The following RARB variants were observed in gnomAD, a reference collection of about 807,000 sequenced individuals.
RARB encodes the protein retinoic acid receptor beta, also known as HBV-activated protein.
Under a neutral mutation model 51.9 loss-of-function variants are expected in RARB, and 17 were observed. That is an observed-to-expected ratio of 0.33 (90% CI 0.22 to 0.49). The LOEUF is 0.49. Among genes scored for constraint, RARB ranks in the 20% least tolerant of loss-of-function variants. The pLI, the probability that RARB is intolerant of heterozygous loss-of-function variation, is 0.99. For missense variants in RARB, 369 were observed against 550.8 expected (o/e 0.67, Z 3.30); for synonymous variants, 215 against 195.4 (o/e 1.10, Z -0.84).
At chr3:24,943,869 C>A (rs1695720438) in intron 2 of RARB, among the ~76,000 whole-genome samples, 1 of 152,126 alleles carries the variant, frequency 6.6e-6, no homozygotes, top group African/African-American at 2.4e-5. Flanking sequence ...GTCATGGAGG[C>A]TGAAGACTTC....
chr3:25,214,548 TC>T (rs1174737736), intron 5 of RARB, among the ~76,000 whole-genome samples: 1 of 152,226 alleles, frequency 6.6e-6, no homozygotes, highest in Non-Finnish European at 1.5e-5. Context: ...TCTGTATTTT[TC>T]ACATCGAATA....
At chr3:25,504,322 CCCAGCAAA>C (rs1697461093) in intron 3 of RARB, among the ~76,000 whole-genome samples, 1 of 152,126 alleles carries the variant, frequency 6.6e-6, no homozygotes, top group South Asian at 2.1e-4. Flanking sequence ...AATCTATTGA[CCCAGCAAA>C]AAGAGAGACT....
chr3:24,960,134 G>T (rs899999987), intron 2 of RARB, among the ~76,000 whole-genome samples: 1 of 152,058 alleles, frequency 6.6e-6, no homozygotes, highest in Non-Finnish European at 1.5e-5. Context: ...TCCCTTTCAG[G>T]TTCTACCTCC....
intron 3 of RARB, among the ~76,000 whole-genome samples, chr3:25,564,630 A>G (rs1700414416): frequency 6.6e-6 from 1 of 152,192 alleles, no homozygotes; most frequent in Non-Finnish European, 1.5e-5. Context: ...TATCATTTGC[A>G]AAACAGTTTT....
At chr3:25,233,997 A>T (rs891784735) in intron 5 of RARB, among the ~76,000 whole-genome samples, 4 of 152,038 alleles carry the variant, frequency 2.6e-5, no homozygotes. Context: ...TTTGAAGGCT[A>T]TTCATGACAA....
rs193073568 is a variant in RARB at position 25,194,192 on chromosome 3, T to G, written c.178+19617T>G. Among the ~76,000 whole-genome samples, 795 of 151,972 alleles carry G rather than the reference T, an allele frequency of 5.2e-3. 5 individuals are homozygous for G. The highest frequency in any genetic ancestry group is 8.0e-3 in the Non-Finnish European group (545 of 67,884). On this transcript the variant is annotated intron_variant, in intron 5 of 11. Transcript: ENST00000383772. ...TCACAGTCTCATTTATGTGGAATCC[T>G]AACACCATTCAATACATAGAAACAA...
intron 3 of RARB, among the ~76,000 whole-genome samples, chr3:25,129,447 A>G (rs779270032): frequency 2.1e-4 from 32 of 152,096 alleles, no homozygotes; most frequent in Non-Finnish European, 4.0e-4. Flanking sequence ...GAGATTATGT[A>G]GGTTCAATTT....
At chr3:25,186,462 C>A (rs1700976585) in intron 5 of RARB, among the ~76,000 whole-genome samples, 1 of 151,950 alleles carries the variant, frequency 6.6e-6, no homozygotes, top group African/African-American at 2.4e-5. Context: ...TCTAGAGAAC[C>A]TCTTTAATAT....
chr3:25,142,053 C>T (rs542299657), intron 4 of RARB, among the ~76,000 whole-genome samples: 52 of 152,332 alleles, frequency 3.4e-4, no homozygotes, highest in African/African-American at 1.3e-3. Context: ...ACATCTTGGC[C>T]GTGTGCGGTG....
At chr3:24,930,853 T>C (rs1459252667) in intron 2 of RARB, among the ~76,000 whole-genome samples, 1 of 152,010 alleles carries the variant, frequency 6.6e-6, no homozygotes, top group African/African-American at 2.4e-5. Flanking sequence ...CCCACATTTT[T>C]CTTTTAAAAA....
intron 2 of RARB, among the ~76,000 whole-genome samples, chr3:25,477,730 C>T (rs565805786): frequency 6.6e-6 from 1 of 152,108 alleles, no homozygotes; most frequent in East Asian, 1.9e-4. Flanking sequence ...CTTAAATCAC[C>T]CAAGACGTGT....
At chr3:24,930,671 C>T (rs561309176) in intron 2 of RARB, among the ~76,000 whole-genome samples, 3 of 152,036 alleles carry the variant, frequency 2.0e-5, no homozygotes, top group Non-Finnish European at 4.4e-5. Context: ...TCAAATGTTA[C>T]TTAATCCTTA....
chr3:24,933,455 T>G (rs1325243031), intron 2 of RARB, among the ~76,000 whole-genome samples: 1 of 152,128 alleles, frequency 6.6e-6, no homozygotes, highest in Non-Finnish European at 1.5e-5. Context: ...TTAAATAAAA[T>G]TGCATTTTCA....
chr3:25,551,757 G>T (rs1457462484), intron 3 of RARB, among the ~76,000 whole-genome samples: 1 of 152,132 alleles, frequency 6.6e-6, no homozygotes, highest in South Asian at 2.1e-4. Context: ...CAGAGATACA[G>T]AATTCTTTAG....
chr3:25,522,646 C>G (rs2125633656), intron 3 of RARB, among the ~76,000 whole-genome samples: 2 of 152,124 alleles, frequency 1.3e-5, no homozygotes, highest in South Asian at 4.2e-4. Context: ...GCAGGAGGAG[C>G]AAAGACAGAG....
intron 5 of RARB, among the ~76,000 whole-genome samples, chr3:25,264,717 A>G (rs1318186450): frequency 6.6e-6 from 1 of 152,142 alleles, no homozygotes; most frequent in Admixed American, 6.6e-5. Flanking sequence ...CCTACTAATA[A>G]TATGGGAATA....
intron 2 of RARB, among the ~76,000 whole-genome samples, chr3:24,982,560 C>G (rs1696701230): frequency 1.3e-5 from 2 of 152,212 alleles, no homozygotes; most frequent in African/African-American, 2.4e-5. Flanking sequence ...GTCCCTCCAT[C>G]TTTGGTTTTC....
At chr3:25,048,779 G>A (rs1429094376) in intron 2 of RARB, among the ~76,000 whole-genome samples, 14 of 101,242 alleles carry the variant, frequency 1.4e-4, no homozygotes, top group African/African-American at 3.5e-4. Flanking sequence ...TTTTTGAGAC[G>A]GAGTCTCGCT....
intron 5 of RARB, among the ~76,000 whole-genome samples, chr3:25,340,127 G>A (rs1705186436): frequency 6.6e-6 from 1 of 152,098 alleles, no homozygotes; most frequent in African/African-American, 2.4e-5. Flanking sequence ...GCAGAGACCT[G>A]CTGACATGTT....
Sources: gnomAD v4.1 joint callset for allele counts (sites outside exome capture counted in the v4.1 genomes callset) on GRCh38, gnomAD v4.1.1 for gene constraint, MANE v1.5 for transcripts, NCBI Gene and HGNC (gene_info 2026-07-23, HGNC 2026-07-21) for gene names.